The following CHD6 variants were observed in gnomAD, a reference collection of about 807,000 sequenced individuals.
CHD6 encodes the protein ATP-dependent chromatin remodeler CHD6.
Under a neutral mutation model 276.9 loss-of-function variants are expected in CHD6, and 50 were observed. The observed-to-expected ratio is 0.18, with a 90% CI of 0.14 to 0.23. CHD6 has a LOEUF of 0.23. Among genes scored for constraint, CHD6 ranks in the 10% least tolerant of loss-of-function variants. The pLI, the probability that CHD6 is intolerant of heterozygous loss-of-function variation, is 1.00. For synonymous variants in CHD6, 1,173 were observed against 1,229.3 expected, an observed-to-expected ratio of 0.95 and a Z score of 0.96; for missense variants, 2,564 against 3,365.8, an observed-to-expected ratio of 0.76 and a Z score of 5.89.
At chr20:41,559,612 A>G (rs1437331181) in intron 1 of CHD6, among the ~76,000 whole-genome samples, 1 of 152,110 alleles carries the variant, frequency 6.6e-6, no homozygotes, top group Non-Finnish European at 1.5e-5. Context: ...TCCTCCTATT[A>G]TAAAACCCAA....
At chr20:41,584,273 C>A (rs1268890928) in intron 1 of CHD6, among the ~76,000 whole-genome samples, 8 of 152,108 alleles carry the variant, frequency 5.3e-5, no homozygotes, top group African/African-American at 1.9e-4. Context: ...TGAGTTAATT[C>A]ATCGAAAAGA....
In CHD6 at chr20:41,421,431, A is replaced by T; in HGVS notation, c.5204T>A (p.Ile1735Asn). 6.2e-7 allele frequency: 1 copy of T among 1,614,194 alleles called. No homozygotes were observed. The highest frequency in any genetic ancestry group is 8.5e-7 in the Non-Finnish European group (1 of 1,180,022). Residue 1735 changes from isoleucine (I) to asparagine (N), a missense_variant, in exon 31 of 37, where the codon ATT (isoleucine) becomes AAT (asparagine). Around this residue, in one of 7 missense-constraint regions of CHD6, gnomAD observed 1,024 missense variants for 1,047.9 expected, o/e 0.98. Transcript: ENST00000373233. ...STNTESRKDVITISISKDGNC... is the reference protein window; with the variant it reads ...STNTESRKDVNTISISKDGNC... ...CCCATCTTTGCTTATTGAGATGGTA[A>T]TAACATCTTTTCTAGATTCAGTATT...
chr20:41,451,565 CTG>C (rs2048241016), intron 22 of CHD6, among the ~76,000 whole-genome samples: 1 of 152,138 alleles, frequency 6.6e-6, no homozygotes, highest in African/African-American at 2.4e-5. Flanking sequence ...GAGGGGGAGT[CTG>C]TGTGAGACTC....
At chr20:41,484,787 A>G (rs1012593505) in intron 14 of CHD6, among the ~76,000 whole-genome samples, 180 bp from the exon 15 acceptor site, 4 of 152,188 alleles carry the variant, frequency 2.6e-5, no homozygotes, top group African/African-American at 7.2e-5. Context: ...GAAAGGGAAT[A>G]AGGGATATGA....
At chr20:41,565,386 G>A (rs1325098076) in intron 1 of CHD6, among the ~76,000 whole-genome samples, 3 of 152,146 alleles carry the variant, frequency 2.0e-5, no homozygotes, top group African/African-American at 4.8e-5. Context: ...GAGCCACCGC[G>A]CCCAGCTGGA....
At chr20:41,416,563 G>C in intron 33 of CHD6, 25 bp downstream of exon 33, 2 of 1,588,334 alleles carry the variant, frequency 1.3e-6, no homozygotes, top group Non-Finnish European at 1.7e-6. Flanking sequence ...TTTGTTTTGT[G>C]GTCACTCCAT....
rs1023531159 is a variant in CHD6, at chr20:41,417,427, C to T, written c.6128-78G>A. Reference sequence around the variant, plus strand: ...TAGTGATCTGAGAGATTAGGATATCCTCTTTTCCTTTTGCTTTTTAAATTA... The same window carrying T: ...TAGTGATCTGAGAGATTAGGATATCTTCTTTTCCTTTTGCTTTTTAAATTA... On this transcript the variant is annotated intron_variant, in intron 31 of 36. Transcript: ENST00000373233. 1.5e-5 allele frequency: 19 copies of T among 1,286,780 alleles called. No homozygotes were observed. The African/African-American group carries it at 2.7e-4, about 18-fold the overall frequency. 79.7% of individuals were successfully genotyped at this position (1,286,780 alleles called of 1,614,324 possible). A position where few individuals can be genotyped will look rare whatever the true frequency, so the allele number is the denominator to read the frequency against.
At chr20:41,503,988 G>T (rs1490659307) in intron 5 of CHD6, among the ~76,000 whole-genome samples, 1 of 138,646 alleles carries the variant, frequency 7.2e-6, no homozygotes, top group African/African-American at 2.6e-5. Flanking sequence ...TGAGGAAAGA[G>T]AATTGCTTGA....
At chr20:41,505,741 TCTCA>T (rs2043961525) in intron 5 of CHD6, among the ~76,000 whole-genome samples, 1 of 152,168 alleles carries the variant, frequency 6.6e-6, no homozygotes, top group African/African-American at 2.4e-5. Context: ...CTCTTGGTGA[TCTCA>T]CTCAGTCTCA....
intron 17 of CHD6, among the ~76,000 whole-genome samples, chr20:41,458,034 C>A (rs1218111308): frequency 6.6e-6 from 1 of 152,182 alleles, no homozygotes; most frequent in African/African-American, 2.4e-5. Context: ...TTAAAAACAA[C>A]TGCATTTCTG....
chr20:41,618,244 C>T (rs2045955733), intron 1 of CHD6, 96 bp downstream of exon 1: 1 of 151,818 alleles, frequency 6.6e-6, no homozygotes, highest in Non-Finnish European at 1.5e-5. Context: ...CATAGGGGCA[C>T]CCTAACCCGG....
chr20:41,417,434 C>T lies in CHD6; in HGVS notation c.6128-85G>A, dbSNP rs1337407196. The T allele has an allele frequency of 4.1e-6, 5 of 1,231,108 alleles. No homozygotes were observed. In the East Asian group the frequency reaches 7.3e-5, roughly 18 times the overall value. 76.3% of individuals were successfully genotyped at this position (1,231,108 alleles called of 1,614,324 possible). A position where few individuals can be genotyped will look rare whatever the true frequency, so the allele number is the denominator to read the frequency against. ...CTGAGAGATTAGGATATCCTCTTTT[C>T]CTTTTGCTTTTTAAATTAGCTCATT... On this transcript the variant is annotated intron_variant, in intron 31 of 36. Transcript: ENST00000373233.
At chr20:41,461,577 C>T (rs1321431334) in intron 17 of CHD6, 1 of 167,620 alleles carries the variant, frequency 6.0e-6, no homozygotes, top group Non-Finnish European at 1.2e-5. Flanking sequence ...GAGCCTTTCG[C>T]CTCCCGCCAT....
intron 8 of CHD6, among the ~76,000 whole-genome samples, chr20:41,494,670 C>T (rs1408864412): frequency 6.6e-6 from 1 of 152,168 alleles, no homozygotes; most frequent in African/African-American, 2.4e-5. Flanking sequence ...GTCTTTCTTA[C>T]CCAGAAGCTG....
chr20:41,557,091 T>C (rs761139855), intron 1 of CHD6, among the ~76,000 whole-genome samples: 1 of 152,182 alleles, frequency 6.6e-6, no homozygotes, highest in Non-Finnish European at 1.5e-5. Context: ...ATTAGAAACA[T>C]AATACAGATA....
intron 14 of CHD6, chr20:41,485,428 T>G (rs955408800): frequency 4.6e-5 from 7 of 152,174 alleles, no homozygotes; most frequent in South Asian, 2.1e-4. Context: ...AAATCACGTT[T>G]CAAGTCAGAA....
chr20:41,545,352 A>G lies in CHD6; in HGVS notation c.33+5953T>C, dbSNP rs569431394. Among the ~76,000 whole-genome samples, 194 of 152,270 alleles carry G rather than the reference A, an allele frequency of 1.3e-3. 1 individual carries two copies. Among genetic ancestry groups the G allele is most frequent in the Middle Eastern group, 3.4e-3 (1 of 294 alleles). On this transcript the variant is annotated intron_variant, in intron 2 of 36. Coordinates refer to ENST00000373233, the MANE Select transcript of CHD6 (RefSeq NM_032221.5). Reference sequence around the variant, plus strand: ...AGAATAATGAAAAAAATATATTAAGATATGTTCAAAGAGGGGAAAGCATTT... The same window carrying G: ...AGAATAATGAAAAAAATATATTAAGGTATGTTCAAAGAGGGGAAAGCATTT...
chr20:41,403,980 G>A lies in CHD6; in HGVS notation c.*613C>T. The A allele has an allele frequency of 9.5e-7, 1 of 1,054,122 alleles. No homozygotes were observed. The highest frequency in any genetic ancestry group is 1.1e-6 in the Non-Finnish European group (1 of 872,384). The allele number at this position is 1,054,122 out of a possible 1,614,324, so 65.3% of individuals were successfully genotyped here. On this transcript the variant is annotated 3_prime_UTR_variant, in exon 37 of 37. Coordinates refer to ENST00000373233, the MANE Select transcript of CHD6 (RefSeq NM_032221.5). Reference sequence around the variant, plus strand: ...GCAGGTGTCTGAAAAACCACCAAGGGGGAAATTATATTACTACCGGTAAGG... The same window carrying A: ...GCAGGTGTCTGAAAAACCACCAAGGAGGAAATTATATTACTACCGGTAAGG...
At chr20:41,602,319 G>A (rs1393757829) in intron 1 of CHD6, among the ~76,000 whole-genome samples, 1 of 152,192 alleles carries the variant, frequency 6.6e-6, no homozygotes, top group Non-Finnish European at 1.5e-5. Flanking sequence ...GCAAAGAGAA[G>A]AGGGGATGCT....
Sources: gnomAD v4.1 joint callset for allele counts (sites outside exome capture counted in the v4.1 genomes callset) on GRCh38, gnomAD v4.1.1 for gene constraint, gnomAD v4.1.1 regional missense constraint, MANE v1.5 for transcripts, NCBI Gene and HGNC (gene_info 2026-07-23, HGNC 2026-07-21) for gene names.